ZC3H7B: variants seen among roughly 807,000 people sequenced by gnomAD.
ZC3H7B encodes zinc finger CCCH-type containing 7B, also known as zinc finger CCCH domain-containing protein 7B.
ZC3H7B carries 35 observed loss-of-function variants against 116.0 expected under a neutral mutation model. That is an observed-to-expected ratio of 0.30 (90% CI 0.23 to 0.40). The LOEUF is 0.40. ZC3H7B is among the 10% of genes least tolerant of loss of function. The pLI is 1.00. For missense variants in ZC3H7B, 1,011 were observed against 1,321.5 expected (o/e 0.77, Z 3.64); for synonymous variants, 502 against 545.6 (o/e 0.92, Z 1.11).
chr22:41,357,295 C>A lies in ZC3H7B; in HGVS notation c.2800C>A (p.Arg934Ser). The part of the protein sequence containing the change: ...EVLKQKLAKA[R>S]KDMLLCPRDD... ...GCTGAAGCAGAAGTTGGCCAAGGCT[C>A]GCAAGGACATGCTGCTGTGCCCACG... Residue 934 changes from arginine to serine, a missense_variant, in exon 23 of 23, where the codon CGC becomes AGC. By Grantham distance (110) the Arg-to-Ser change is moderately radical (BLOSUM62 -1). Around this residue, in one of 5 missense-constraint regions of ZC3H7B, gnomAD observed 406 missense variants for 590.2 expected, o/e 0.69. Transcript: ENST00000352645. The surrounding 1 kb of genome is among the most constrained non-coding windows in gnomAD (Gnocchi z 5.4). 6.2e-7 allele frequency: 1 copy of A among 1,613,796 alleles called. No individual in the cohort carries two copies. Among genetic ancestry groups the A allele is most frequent in the Non-Finnish European group, 8.5e-7 (1 of 1,179,994 alleles).
At chr22:41,337,891 A>G (rs4822022) in intron 7 of ZC3H7B, among the ~76,000 whole-genome samples, 47,537 of 146,492 alleles carry the variant, frequency 0.32, 8,592 homozygotes, top group Admixed American at 0.5. Flanking sequence ...TTTTTGAGGT[A>G]GAGTCTCGCT....
At chr22:41,309,799 T>C (rs2145897410) in intron 1 of ZC3H7B, among the ~76,000 whole-genome samples, 1 of 152,264 alleles carries the variant, frequency 6.6e-6, no homozygotes, top group East Asian at 1.9e-4. Flanking sequence ...TAGGGCCCCT[T>C]GCACTAAAAG....
chr22:41,340,272 C>G (rs1317436551), intron 10 of ZC3H7B, 135 bp downstream of exon 10: 2 of 969,176 alleles, frequency 2.1e-6, no homozygotes. Context: ...CAGGCCATGT[C>G]TGTGTGTTGC....
In ZC3H7B at chr22:41,358,407, G is replaced by A. The variant is rs1165399707; in HGVS notation, c.*978G>A. 1 of 152,264 alleles carries A rather than the reference G, an allele frequency of 6.6e-6. No individual in the cohort carries two copies. The highest frequency in any genetic ancestry group is 1.5e-5 in the Non-Finnish European group (1 of 68,140). 9.4% of individuals were successfully genotyped at this position (152,264 alleles called of 1,614,324 possible). The stretch of plus-strand genomic sequence containing the variant: ...CCCCCTCCCAAGGATGGTCCCTTTG[G>A]GTGCAGCAGCAGAGGTCACCTCCTG... On this transcript the variant is annotated 3_prime_UTR_variant, in exon 23 of 23. Transcript: ENST00000352645.
At position 41,302,005 on chromosome 22, in the gene ZC3H7B, G is replaced by A. The variant is rs2035972446; in HGVS notation, c.-7+233G>A. ...CTCCTTTTTGGGGATCCCGGTCCCC[G>A]TGCCCTGCCCCAAAGTTTAAAAGTT... is the stretch of plus-strand genomic sequence containing the variant. On this transcript the variant is annotated intron_variant, in intron 1 of 22. Coordinates refer to ENST00000352645, the MANE Select transcript of ZC3H7B (RefSeq NM_017590.6). This position sits in a 1 kb window ranked among gnomAD's most constrained non-coding sequence, Gnocchi z 5.7. 1.3e-5 allele frequency among the ~76,000 whole-genome samples: 2 copies of A among 152,246 alleles called. No homozygotes were observed. The highest frequency in any genetic ancestry group is 6.5e-5 in the Admixed American group (1 of 15,302).
At chr22:41,355,397 C>A in intron 17 of ZC3H7B, 72 bp from the exon 18 acceptor site, 1 of 1,584,472 alleles carries the variant, frequency 6.3e-7, no homozygotes, top group South Asian at 1.2e-5. Flanking sequence ...CAGAGGACAC[C>A]TGTGTGGAGA....
chr22:41,329,729 T>C (rs2036358532), intron 5 of ZC3H7B, among the ~76,000 whole-genome samples: 1 of 152,196 alleles, frequency 6.6e-6, no homozygotes, highest in African/African-American at 2.4e-5. Context: ...ACAGTGACAT[T>C]GTCACTTTTG....
chr22:41,349,025 G>T lies in ZC3H7B; in HGVS notation c.1767-95G>T. Reference sequence around the variant, plus strand: ...TGGTACATAGATCAGGGGGTGCCCAGGGAGAGCCTGGCACTGGGAAGGTGG... The same window carrying T: ...TGGTACATAGATCAGGGGGTGCCCATGGAGAGCCTGGCACTGGGAAGGTGG... On this transcript the variant is annotated intron_variant, in intron 15 of 22. Coordinates refer to ENST00000352645, the MANE Select transcript of ZC3H7B (RefSeq NM_017590.6). This position sits in a 1 kb window ranked among gnomAD's most constrained non-coding sequence, Gnocchi z 4.9. 1 of 1,373,678 alleles carries T rather than the reference G, an allele frequency of 7.3e-7. No individual in the cohort carries two copies. Among genetic ancestry groups the T allele is most frequent in the South Asian group, 1.3e-5 (1 of 74,298 alleles). 85.1% of individuals were successfully genotyped at this position (1,373,678 alleles called of 1,614,324 possible). A position where few individuals can be genotyped will look rare whatever the true frequency, so the allele number is the denominator to read the frequency against.
intron 1 of ZC3H7B, among the ~76,000 whole-genome samples, chr22:41,306,764 T>C (rs1169716077): frequency 6.6e-6 from 1 of 152,148 alleles, no homozygotes; most frequent in African/African-American, 2.4e-5. Context: ...TTCAGTGAAG[T>C]GCAGAAGGGG....
At chr22:41,303,452 A>C (rs1393056964) in intron 1 of ZC3H7B, among the ~76,000 whole-genome samples, 1 of 152,226 alleles carries the variant, frequency 6.6e-6, no homozygotes, top group Non-Finnish European at 1.5e-5. Flanking sequence ...AGGAAAGCTG[A>C]GATGTCGGTT....
At chr22:41,317,917 C>T (rs576084669) in intron 1 of ZC3H7B, among the ~76,000 whole-genome samples, 25 of 152,314 alleles carry the variant, frequency 1.6e-4, no homozygotes, top group African/African-American at 6.0e-4. Flanking sequence ...TCACTGAACC[C>T]AGGATCCAGG....
At chr22:41,339,675 A>G (rs1318061840) in intron 9 of ZC3H7B, 141 bp from the exon 10 acceptor site, 2 of 720,190 alleles carry the variant, frequency 2.8e-6, no homozygotes, top group Non-Finnish European at 4.5e-6. Context: ...AGAAGGGACC[A>G]TAGTGAGCCC....
In ZC3H7B at chr22:41,320,701, T is replaced by C; in HGVS notation, c.41T>C (p.Leu14Pro). 1 of 1,609,442 alleles carries C rather than the reference T, an allele frequency of 6.2e-7. No homozygotes were observed. The highest frequency in any genetic ancestry group is 8.5e-7 in the Non-Finnish European group (1 of 1,177,604). ...QKRKADIEKG[L>P]QFIQSTLPLK... is the part of the protein sequence containing the mutation. ...CGGAAGGCGGACATCGAGAAAGGGC[T>C]GCAGTTCATTCAGTAAGCCTGCATG... The change falls in exon 2 of 23, where the codon CTG (leucine) becomes CCG (proline). Residue 14 changes from leucine (L) to proline (P), a missense_variant. Around this residue, in one of 5 missense-constraint regions of ZC3H7B, gnomAD observed 322 missense variants for 443.9 expected, o/e 0.73. Coordinates refer to ENST00000352645, the MANE Select transcript of ZC3H7B (RefSeq NM_017590.6).
At chr22:41,348,946 G>A (rs1341312992) in intron 15 of ZC3H7B, among the ~76,000 whole-genome samples, 174 bp from the exon 16 acceptor site, 1 of 152,188 alleles carries the variant, frequency 6.6e-6, no homozygotes, top group African/African-American at 2.4e-5. Context: ...GCCCAGGGGT[G>A]CCTGAGCATA....
At chr22:41,356,936 A>C in intron 22 of ZC3H7B, 128 bp downstream of exon 22, 2 of 1,424,776 alleles carry the variant, frequency 1.4e-6, no homozygotes, top group South Asian at 2.6e-5. Flanking sequence ...CTGTGACTGC[A>C]GCCATGGGGG....
rs1341216763 is a variant in ZC3H7B at position 41,349,264 on chromosome 22, C to T, written c.1911C>T (p.Phe637=). The T allele has an allele frequency of 1.9e-6, 3 of 1,613,790 alleles. No individual in the cohort carries two copies. Among genetic ancestry groups the T allele is most frequent in the South Asian group, 1.1e-5 (1 of 91,076 alleles). The change falls in exon 16 of 23, where the codon TTC becomes TTT. Residue 637 remains phenylalanine, a synonymous_variant. Transcript: ENST00000352645. This position sits in a 1 kb window ranked among gnomAD's most constrained non-coding sequence, Gnocchi z 4.9. ...REDSCHFAHS[F]IELKVWLLQQ... is the part of the protein sequence containing the mutation. ...ACAGCTGCCACTTCGCCCACAGCTT[C>T]ATCGAGCTCAAGGTCTGGCTGCTGC...
intron 1 of ZC3H7B, among the ~76,000 whole-genome samples, chr22:41,301,999 G>C (rs953359996): frequency 2.0e-5 from 3 of 152,136 alleles, no homozygotes; most frequent in Admixed American, 6.5e-5. Context: ...GGGGATCCCG[G>C]TCCCCGTGCC....
rs369102633 is a variant in ZC3H7B, at chr22:41,349,081, C to T, written c.1767-39C>T. ...CCAGGAGAGAAGGTCAGAGGGGCTG[C>T]GGACTGCATCGTGCCCCTCCTGCCT... On this transcript the variant is annotated intron_variant, in intron 15 of 22. Coordinates refer to ENST00000352645, the MANE Select transcript of ZC3H7B (RefSeq NM_017590.6). This position sits in a 1 kb window ranked among gnomAD's most constrained non-coding sequence, Gnocchi z 4.9. 14 of 1,602,562 alleles carry T rather than the reference C, an allele frequency of 8.7e-6. No homozygotes were observed. The highest frequency in any genetic ancestry group is 4.0e-5 in the African/African-American group (3 of 74,742).
chr22:41,341,039 C>A, intron 10 of ZC3H7B, 49 bp from the exon 11 acceptor site: 1 of 1,588,742 alleles, frequency 6.3e-7, no homozygotes, highest in Non-Finnish European at 8.6e-7. Flanking sequence ...GAAGGCCCCT[C>A]ACGCCTCAGA....
Sources: gnomAD v4.1 joint callset for allele counts (sites outside exome capture counted in the v4.1 genomes callset) on GRCh38, gnomAD v4.1.1 for gene constraint, gnomAD v4.1.1 regional missense constraint, Gnocchi (gnomAD v3.1) non-coding constraint, MANE v1.5 for transcripts, NCBI Gene and HGNC (gene_info 2026-07-23, HGNC 2026-07-21) for gene names.